The following CSMD1 variants were observed in gnomAD, a reference collection of about 807,000 sequenced individuals.
CSMD1 encodes the protein CUB and sushi domain-containing protein 1.
A neutral mutation model predicts 417.5 loss-of-function variants in CSMD1; 213 were observed. The ratio of observed to expected loss-of-function variants is 0.51; its 90% CI spans 0.46 to 0.57. CSMD1 has a LOEUF of 0.57. Ranked by LOEUF, CSMD1 falls within the 20% of genes least tolerant of loss-of-function variation. The pLI is 0.00. For missense variants in CSMD1, 6,923 were observed against 4,529.7 expected, an observed-to-expected ratio of 1.53 and a Z score of -15.17; for synonymous variants, 2,862 against 1,736.8, an observed-to-expected ratio of 1.65 and a Z score of -16.11.
chr8:3,150,977 C>T (rs1056769218), intron 40 of CSMD1, among the ~76,000 whole-genome samples: 13 of 151,914 alleles, frequency 8.6e-5, no homozygotes, highest in African/African-American at 2.9e-4. Context: ...TAAAACAATA[C>T]TATTTCTTGA....
At chr8:3,435,687 C>T (rs887540117) in intron 12 of CSMD1, among the ~76,000 whole-genome samples, 7 of 152,096 alleles carry the variant, frequency 4.6e-5, no homozygotes, top group Admixed American at 6.5e-5. Flanking sequence ...GTCCTACCTC[C>T]TGCCTTCACC....
intron 5 of CSMD1, among the ~76,000 whole-genome samples, chr8:3,888,818 G>A (rs1429261916): frequency 6.6e-6 from 1 of 151,980 alleles, no homozygotes; most frequent in Non-Finnish European, 1.5e-5. Flanking sequence ...AGCTAAGAAA[G>A]GTACTATTCT....
intron 40 of CSMD1, among the ~76,000 whole-genome samples, chr8:3,143,700 T>C (rs1230700824): frequency 6.6e-6 from 1 of 152,166 alleles, no homozygotes; most frequent in Non-Finnish European, 1.5e-5. Flanking sequence ...TATTCCAGTA[T>C]AAAAGAAAGC....
intron 4 of CSMD1, among the ~76,000 whole-genome samples, chr8:4,003,006 TA>T (rs533816337): frequency 0.023 from 2,590 of 111,498 alleles, 76 homozygotes; most frequent in African/African-American, 0.084. Context: ...TTTTTCAAAA[TA>T]AATGTATAAA....
At chr8:3,292,999 G>A (rs543342173) in intron 25 of CSMD1, among the ~76,000 whole-genome samples, 2 of 152,118 alleles carry the variant, frequency 1.3e-5, no homozygotes, top group East Asian at 3.9e-4. Context: ...GCTTCCTTCA[G>A]GAGGTCTTTT....
At chr8:4,118,067 T>C (rs936162887) in intron 3 of CSMD1, among the ~76,000 whole-genome samples, 1 of 151,840 alleles carries the variant, frequency 6.6e-6, no homozygotes, top group Non-Finnish European at 1.5e-5. Context: ...GGGTGTAACA[T>C]CGGCCATATG....
intron 4 of CSMD1, among the ~76,000 whole-genome samples, chr8:4,012,338 C>G (rs1250849365): frequency 2.0e-5 from 3 of 152,168 alleles, no homozygotes; most frequent in African/African-American, 7.2e-5. Context: ...AAGATTCATT[C>G]TCTTCACCTC....
At chr8:3,997,055 G>A (rs17068464) in intron 5 of CSMD1, among the ~76,000 whole-genome samples, 1,980 of 152,240 alleles carry the variant, frequency 0.013, 53 homozygotes, top group African/African-American at 0.045. Context: ...GTCTACCTGA[G>A]TTTCAACATA....
At chr8:4,159,991 A>C (rs1192522408) in intron 3 of CSMD1, among the ~76,000 whole-genome samples, 2 of 152,118 alleles carry the variant, frequency 1.3e-5, no homozygotes, top group Non-Finnish European at 2.9e-5. Flanking sequence ...GGTTCAATGT[A>C]TAATGCTCTG....
At position 3,910,983 on chromosome 8, in the gene CSMD1, A is replaced by G. The variant is rs868401112; in HGVS notation, c.818+86920T>C. On this transcript the variant is annotated intron_variant, in intron 5 of 69. Coordinates refer to ENST00000635120, the MANE Select transcript of CSMD1 (RefSeq NM_033225.6). Reference sequence around the variant, plus strand: ...TCTTGGGCATATTTCTGTAGCTATTACAAGACAGATGTGGCCAAGTCCTAC... The same window carrying G: ...TCTTGGGCATATTTCTGTAGCTATTGCAAGACAGATGTGGCCAAGTCCTAC... Among the ~76,000 whole-genome samples, 37 of 152,306 alleles carry G rather than the reference A, an allele frequency of 2.4e-4. No individual in the cohort carries two copies. In the Middle Eastern group the frequency reaches 0.014, roughly 56 times the overall value.
At position 2,938,239 on chromosome 8, in the gene CSMD1, T is replaced by G. The variant is rs541240764; in HGVS notation, c.*346A>C. On this transcript the variant is annotated 3_prime_UTR_variant, in exon 70 of 70. Coordinates refer to ENST00000635120, the MANE Select transcript of CSMD1 (RefSeq NM_033225.6). The stretch of plus-strand genomic sequence containing the variant: ...GGGACATATCCACGAGCCCAGACGA[T>G]TGCATTGAAAGGCATCTCAGCAACA... The G allele has an allele frequency of 9.8e-5, 21 of 214,196 alleles. No homozygotes were observed. Among genetic ancestry groups the G allele is most frequent in the Middle Eastern group, 1.5e-3 (1 of 646 alleles). 13.3% of individuals were successfully genotyped at this position (214,196 alleles called of 1,614,324 possible). A position where few individuals can be genotyped will look rare whatever the true frequency, so the allele number is the denominator to read the frequency against.
At chr8:3,004,634 G>GCACGAATTAACAATTCAATTACTACCA (rs2128958389) in intron 52 of CSMD1, among the ~76,000 whole-genome samples, 1 of 152,260 alleles carries the variant, frequency 6.6e-6, no homozygotes, top group African/African-American at 2.4e-5. Context: ...TTTAGCTCAA[G>GCACGAATTAACAATTCAATTACTACCA]CACGAATTAA....
intron 5 of CSMD1, among the ~76,000 whole-genome samples, chr8:3,944,282 C>G (rs1303963990): frequency 4.6e-5 from 7 of 152,076 alleles, no homozygotes; most frequent in Admixed American, 4.6e-4. Context: ...GTAGAGAAAT[C>G]AAACCTGTCA....
chr8:3,623,066 AT>A (rs1796332884), intron 7 of CSMD1, among the ~76,000 whole-genome samples: 1 of 152,230 alleles, frequency 6.6e-6, no homozygotes, highest in Non-Finnish European at 1.5e-5. Context: ...ATATCAATAG[AT>A]TGGTTCATTA....
chr8:4,388,034 C>T (rs1287248268), intron 3 of CSMD1, among the ~76,000 whole-genome samples: 2 of 152,046 alleles, frequency 1.3e-5, no homozygotes, highest in African/African-American at 2.4e-5. Context: ...TCTATTTTAC[C>T]ACATTCCTGA....
chr8:4,234,386 A>G (rs1319451030), intron 3 of CSMD1, among the ~76,000 whole-genome samples: 1 of 152,092 alleles, frequency 6.6e-6, no homozygotes, highest in Non-Finnish European at 1.5e-5. Context: ...TGTGGCAGCC[A>G]CCGGCATTCC....
chr8:3,587,814 G>A (rs941136661), intron 8 of CSMD1, among the ~76,000 whole-genome samples: 2 of 152,082 alleles, frequency 1.3e-5, no homozygotes, highest in Non-Finnish European at 2.9e-5. Flanking sequence ...GACTTTTCCA[G>A]ATTTATCTGT....
chr8:4,685,550 T>G (rs1199829184), intron 1 of CSMD1, among the ~76,000 whole-genome samples: 1 of 151,964 alleles, frequency 6.6e-6, no homozygotes, highest in African/African-American at 2.4e-5. Context: ...CACTGCAGCC[T>G]GGGTGACAGA....
chr8:4,086,247 C>A (rs994509152), intron 3 of CSMD1, among the ~76,000 whole-genome samples: 1 of 151,986 alleles, frequency 6.6e-6, no homozygotes, highest in African/African-American at 2.4e-5. Flanking sequence ...TGAACAAAGA[C>A]AAATAAGGAA....
Sources: gnomAD v4.1 joint callset for allele counts (sites outside exome capture counted in the v4.1 genomes callset) on GRCh38, gnomAD v4.1.1 for gene constraint, MANE v1.5 for transcripts, NCBI Gene and HGNC (gene_info 2026-07-23, HGNC 2026-07-21) for gene names.